STAU2: variants seen among roughly 807,000 people sequenced by gnomAD.
The protein encoded by STAU2 is double-stranded RNA-binding protein Staufen homolog 2.
STAU2 carries 20 observed loss-of-function variants against 65.9 expected under a neutral mutation model. The ratio of observed to expected loss-of-function variants is 0.30; its 90% confidence interval spans 0.21 to 0.44. STAU2 has a LOEUF of 0.44. Ranked by LOEUF, STAU2 falls within the 20% of genes least tolerant of loss-of-function variation. The pLI is 1.00. For synonymous variants in STAU2, 232 were observed against 233.9 expected, an observed-to-expected ratio of 0.99 and a Z score of 0.07; for missense variants, 558 against 683.9, an observed-to-expected ratio of 0.82 and a Z score of 2.05.
At chr8:73,626,072 C>CAA (rs943230587) in intron 6 of STAU2, among the ~76,000 whole-genome samples, 5 of 126,522 alleles carry the variant, frequency 4.0e-5, no homozygotes, top group African/African-American at 1.9e-4. Context: ...AGTAAGTACA[C>CAA]ATACACACAC....
At chr8:73,685,938 G>A (rs962653853) in intron 5 of STAU2, among the ~76,000 whole-genome samples, 1 of 152,156 alleles carries the variant, frequency 6.6e-6, no homozygotes, top group East Asian at 1.9e-4. Context: ...TAAAGAAAAT[G>A]TGGTGTACAT....
At chr8:73,684,303 C>T (rs1268142516) in intron 5 of STAU2, among the ~76,000 whole-genome samples, 2 of 151,996 alleles carry the variant, frequency 1.3e-5, no homozygotes, top group Non-Finnish European at 2.9e-5. Context: ...GAAATAAAGC[C>T]CAATACTTAG....
chr8:73,453,732 A>T (rs1253096699), intron 13 of STAU2, among the ~76,000 whole-genome samples: 4 of 152,136 alleles, frequency 2.6e-5, no homozygotes, highest in African/African-American at 9.7e-5. Context: ...TTTTGTTTTA[A>T]TTTTTATACC....
chr8:73,730,858 T>C (rs1326757183), intron 3 of STAU2, among the ~76,000 whole-genome samples: 2 of 152,220 alleles, frequency 1.3e-5, no homozygotes, highest in Non-Finnish European at 2.9e-5. Flanking sequence ...TTACTGATAT[T>C]CTGTCTAGAT....
chr8:73,482,562 T>C (rs1820690253), intron 13 of STAU2, among the ~76,000 whole-genome samples: 1 of 152,156 alleles, frequency 6.6e-6, no homozygotes, highest in African/African-American at 2.4e-5. Flanking sequence ...GTAACAGAAG[T>C]GATCTCAGTA....
At chr8:73,530,152 C>G (rs935613980) in intron 13 of STAU2, among the ~76,000 whole-genome samples, 1 of 152,084 alleles carries the variant, frequency 6.6e-6, no homozygotes, top group Non-Finnish European at 1.5e-5. Context: ...GGAACAGAAC[C>G]ATCATGCCAG....
intron 6 of STAU2, among the ~76,000 whole-genome samples, chr8:73,624,607 C>T (rs888890005): frequency 2.6e-5 from 4 of 152,160 alleles, no homozygotes; most frequent in Non-Finnish European, 2.9e-5. Flanking sequence ...ACTAACCTTC[C>T]CAGGGCCACC....
intron 5 of STAU2, among the ~76,000 whole-genome samples, chr8:73,680,118 C>T (rs998311400): frequency 1.8e-5 from 2 of 109,540 alleles, no homozygotes; most frequent in Non-Finnish European, 3.4e-5. Flanking sequence ...TGCAAATTTT[C>T]CTGGGCAGAA....
At chr8:73,662,569 T>C (rs1816907797) in intron 6 of STAU2, among the ~76,000 whole-genome samples, 1 of 151,964 alleles carries the variant, frequency 6.6e-6, no homozygotes, top group South Asian at 2.1e-4. Flanking sequence ...TTTATTTTTG[T>C]CTGTGGTGTG....
intron 6 of STAU2, among the ~76,000 whole-genome samples, chr8:73,669,821 C>T (rs1012540187): frequency 6.6e-6 from 1 of 152,136 alleles, no homozygotes; most frequent in Non-Finnish European, 1.5e-5. Flanking sequence ...CTTTTCATTG[C>T]TTTAGCACCA....
rs779176911 is a variant in STAU2, at chr8:73,738,315, T to C, written c.-49A>G. The stretch of plus-strand genomic sequence containing the variant: ...TATTTGAAGCATGTTAAGACAATAT[T>C]GACCAAACTGCTGTATCCCTCACGG... On this transcript the variant is annotated 5_prime_UTR_variant, in exon 3 of 15. Transcript: ENST00000524300. 3 of 1,605,660 alleles carry C rather than the reference T, an allele frequency of 1.9e-6. No homozygotes were observed. In the Admixed American group the frequency reaches 5.2e-5, roughly 28 times the overall value.
In STAU2 at chr8:73,673,089, C is replaced by T. The variant is rs781067356; in HGVS notation, c.410+18G>A. The T allele has an allele frequency of 7.2e-6, 11 of 1,528,034 alleles. No individual in the cohort carries two copies. Among genetic ancestry groups the T allele is most frequent in the East Asian group, 4.6e-5 (2 of 43,382 alleles). The allele number at this position is 1,528,034 out of a possible 1,614,324, so 94.7% of individuals were successfully genotyped here. ...ATAAAATAATAATTAAGAACAAAAC[C>T]AAAAAAGACATACAAACCTCTGATT... On this transcript the variant is annotated intron_variant, in intron 6 of 14. Transcript: ENST00000524300.
intron 11 of STAU2, among the ~76,000 whole-genome samples, chr8:73,583,944 C>T (rs908462747): frequency 2.6e-5 from 4 of 152,012 alleles, no homozygotes; most frequent in Admixed American, 2.0e-4. Flanking sequence ...TTTATGTTAA[C>T]GGTCAAAGGT....
chr8:73,514,254 G>A (rs1822580623), intron 13 of STAU2, among the ~76,000 whole-genome samples: 1 of 152,078 alleles, frequency 6.6e-6, no homozygotes, highest in Admixed American at 6.5e-5. Context: ...ACCCATCAAG[G>A]TGATCAGTAT....
In STAU2 at chr8:73,705,898, C is replaced by T. The variant is rs192296450; in HGVS notation, c.114+3134G>A. On this transcript the variant is annotated intron_variant, in intron 4 of 14. Coordinates refer to ENST00000524300, the MANE Select transcript of STAU2 (RefSeq NM_001164380.2). Reference sequence around the variant, plus strand: ...TTAACCTCTGTCCTGTGTTTCCAAACTCTGGCTGTACTTTTGAGTCATTTC... The same window carrying T: ...TTAACCTCTGTCCTGTGTTTCCAAATTCTGGCTGTACTTTTGAGTCATTTC... 7.2e-5 allele frequency among the ~76,000 whole-genome samples: 11 copies of T among 152,268 alleles called. No individual in the cohort carries two copies. The East Asian group carries it at 1.9e-3, about 27-fold the overall frequency.
chr8:73,741,160 C>A (rs564831575), intron 1 of STAU2, among the ~76,000 whole-genome samples: 246 of 150,918 alleles, frequency 1.6e-3, no homozygotes, highest in African/African-American at 5.8e-3. Flanking sequence ...AAAATATTAG[C>A]CGGGCGTGGT....
rs1298909072 is a variant in STAU2, at chr8:73,656,141, A to C, written c.410+16966T>G. ...GGACATGAAACTCACTGACATTTAC[A>C]GAGCTTTTTTTCTTTATATTGATGT... is the stretch of plus-strand genomic sequence containing the variant. On this transcript the variant is annotated intron_variant, in intron 6 of 14. Coordinates refer to ENST00000524300, the MANE Select transcript of STAU2 (RefSeq NM_001164380.2). 3.9e-5 allele frequency among the ~76,000 whole-genome samples: 6 copies of C among 152,350 alleles called. No homozygotes were observed. The East Asian group carries it at 5.8e-4, about 15-fold the overall frequency.
At chr8:73,674,126 T>C (rs1361978402) in intron 5 of STAU2, among the ~76,000 whole-genome samples, 2 of 114,128 alleles carry the variant, frequency 1.8e-5, no homozygotes, top group African/African-American at 6.3e-5. Context: ...AACCCAAAAC[T>C]AAAAAAAAAA....
chr8:73,427,468 A>C (rs1816907677), intron 13 of STAU2, among the ~76,000 whole-genome samples: 1 of 152,232 alleles, frequency 6.6e-6, no homozygotes, highest in Non-Finnish European at 1.5e-5. Flanking sequence ...TTCAAAAATT[A>C]AACTCACCCT....
Sources: allele counts gnomAD v4.1 joint callset (sites outside exome capture counted in the v4.1 genomes callset), GRCh38; gene constraint gnomAD v4.1.1; transcripts MANE v1.5; gene names NCBI Gene and HGNC (gene_info 2026-07-23, HGNC 2026-07-21).